The following DEPTOR variants were observed in gnomAD, a reference collection of about 807,000 sequenced individuals.
DEPTOR encodes the protein DEP domain-containing mTOR-interacting protein.
DEPTOR carries 41 observed loss-of-function variants against 41.6 expected under a neutral mutation model. The observed-to-expected ratio is 0.98, with a 90% CI of 0.77 to 1.28. The LOEUF (loss-of-function observed/expected upper bound fraction) is 1.28, where lower values mean the gene tolerates loss of function less well. Ranked by LOEUF, DEPTOR falls within the 50% of genes most tolerant of loss-of-function variation. DEPTOR has a pLI of 0.00. For missense variants in DEPTOR, 514 were observed against 527.9 expected (o/e 0.97, Z 0.26); for synonymous variants, 195 against 192.3 (o/e 1.01, Z -0.12).
chr8:119,985,465 GGATA>G (rs1828816837), intron 4 of DEPTOR, among the ~76,000 whole-genome samples: 1 of 152,036 alleles, frequency 6.6e-6, no homozygotes, highest in African/African-American at 2.4e-5. Context: ...TTTGTCAGAT[GGATA>G]GATTGCAAAA....
At chr8:119,892,245 C>T (rs1169677725) in intron 1 of DEPTOR, among the ~76,000 whole-genome samples, 4 of 152,148 alleles carry the variant, frequency 2.6e-5, no homozygotes, top group East Asian at 1.9e-4. Flanking sequence ...GTGATCTGCC[C>T]GCCTTGGTCT....
intron 1 of DEPTOR, 188 bp downstream of exon 1, chr8:119,874,156 C>A: frequency 1.1e-6 from 1 of 919,728 alleles, no homozygotes; most frequent in Non-Finnish European, 1.6e-6. Context: ...CCTGAGGACT[C>A]GCTCGCCAAG....
At chr8:119,890,541 G>A (rs1046820622) in intron 1 of DEPTOR, among the ~76,000 whole-genome samples, 7 of 152,120 alleles carry the variant, frequency 4.6e-5, no homozygotes, top group African/African-American at 1.4e-4. Flanking sequence ...GACTTCAGGT[G>A]ATCCACCCAC....
chr8:119,935,385 T>C (rs1038446676), intron 3 of DEPTOR, among the ~76,000 whole-genome samples: 2 of 152,196 alleles, frequency 1.3e-5, no homozygotes, highest in African/African-American at 4.8e-5. Flanking sequence ...TTTGAGTGCA[T>C]GTTCCCCACT....
At chr8:119,980,251 C>T (rs989603500) in intron 4 of DEPTOR, among the ~76,000 whole-genome samples, 1 of 151,348 alleles carries the variant, frequency 6.6e-6, no homozygotes, top group Admixed American at 6.6e-5. Flanking sequence ...AAAATGCAAT[C>T]TATATGAAAA....
chr8:119,880,981 C>T (rs1402222469), intron 1 of DEPTOR, among the ~76,000 whole-genome samples: 1 of 152,170 alleles, frequency 6.6e-6, no homozygotes, highest in Non-Finnish European at 1.5e-5. Context: ...GTGCTGATTA[C>T]AACAATCTTA....
At chr8:119,914,816 C>T (rs944037509) in intron 1 of DEPTOR, among the ~76,000 whole-genome samples, 4 of 152,226 alleles carry the variant, frequency 2.6e-5, no homozygotes, top group Non-Finnish European at 1.5e-5. Context: ...TGGGGCTCAG[C>T]CTTCTGTGTT....
intron 1 of DEPTOR, among the ~76,000 whole-genome samples, chr8:119,912,004 T>A (rs963880083): frequency 9.2e-5 from 14 of 152,248 alleles, no homozygotes; most frequent in African/African-American, 3.4e-4. Flanking sequence ...ATTTGTAGTA[T>A]AATTGAAGAG....
intron 6 of DEPTOR, among the ~76,000 whole-genome samples, chr8:120,005,928 C>T (rs547948769): frequency 6.6e-6 from 1 of 152,184 alleles, no homozygotes; most frequent in South Asian, 2.1e-4. Context: ...CAGCATGGCC[C>T]AGAGTAAATG....
At chr8:119,980,184 GTTAAA>G (rs1453677349) in intron 4 of DEPTOR, among the ~76,000 whole-genome samples, 2 of 150,882 alleles carry the variant, frequency 1.3e-5, no homozygotes, top group South Asian at 2.1e-4. Flanking sequence ...GGAGGAATGG[GTTAAA>G]TTAATCTTCA....
intron 8 of DEPTOR, among the ~76,000 whole-genome samples, chr8:120,029,610 G>A (rs1279262872): frequency 6.6e-6 from 1 of 152,102 alleles, no homozygotes; most frequent in East Asian, 1.9e-4. Context: ...TGGTCAGGCT[G>A]GTCTTGAATT....
chr8:119,916,655 C>A (rs1157356170), intron 1 of DEPTOR, among the ~76,000 whole-genome samples: 1 of 152,130 alleles, frequency 6.6e-6, no homozygotes, highest in African/African-American at 2.4e-5. Context: ...CAGCCCATTG[C>A]TTATATACAG....
chr8:119,965,110 C>A, intron 3 of DEPTOR, 122 bp from the exon 4 acceptor site: 1 of 1,092,588 alleles, frequency 9.2e-7, no homozygotes. Flanking sequence ...GTGGTGGCAC[C>A]TGACAGCTGC....
At position 120,029,387 on chromosome 8, in the gene DEPTOR, T is replaced by TTTTA. The variant is rs549676893; in HGVS notation, c.1102-20166_1102-20163dup. 4.6e-3 allele frequency among the ~76,000 whole-genome samples: 707 copies of TTTTA among 152,134 alleles called. 1 individual carries two copies. The highest frequency in any genetic ancestry group is 0.013 in the African/African-American group (534 of 41,532). On this transcript the variant is annotated intron_variant, in intron 8 of 8. Transcript: ENST00000286234. ...AATATGCTTTGAGTCTTGAGTTTTA[T>TTTTA]TTTATTTATTTATTTATTTATTTAT...
At chr8:119,935,839 G>A (rs533161153) in intron 3 of DEPTOR, among the ~76,000 whole-genome samples, 1 of 152,056 alleles carries the variant, frequency 6.6e-6, no homozygotes, top group South Asian at 2.1e-4. Flanking sequence ...GGTACAATTT[G>A]GTTTTTCCTC....
chr8:119,968,774 G>A (rs926088340), intron 4 of DEPTOR, among the ~76,000 whole-genome samples: 1 of 152,158 alleles, frequency 6.6e-6, no homozygotes, highest in Non-Finnish European at 1.5e-5. Context: ...GTGTGACCTT[G>A]GAGTTGGGTG....
intron 1 of DEPTOR, among the ~76,000 whole-genome samples, chr8:119,880,050 A>T (rs1309055371): frequency 1.3e-5 from 2 of 151,652 alleles, no homozygotes; most frequent in African/African-American, 4.8e-5. Flanking sequence ...GCTGAGGCAG[A>T]AAAATTGCTT....
intron 8 of DEPTOR, among the ~76,000 whole-genome samples, chr8:120,040,560 A>G (rs1368604552): frequency 6.6e-6 from 1 of 152,138 alleles, no homozygotes; most frequent in East Asian, 1.9e-4. Context: ...TGGGATCCCA[A>G]AGGTGACTCA....
At chr8:119,954,847 T>TGC (rs35836651) in intron 3 of DEPTOR, among the ~76,000 whole-genome samples, 2 of 83,448 alleles carry the variant, frequency 2.4e-5, no homozygotes, top group African/African-American at 1.2e-4. Flanking sequence ...CAAATATTGG[T>TGC]GTGTGTGTGT....
Sources: gnomAD v4.1 joint callset for allele counts (sites outside exome capture counted in the v4.1 genomes callset) on GRCh38, gnomAD v4.1.1 for gene constraint, MANE v1.5 for transcripts, NCBI Gene and HGNC (gene_info 2026-07-23, HGNC 2026-07-21) for gene names.